The following NEDD9 variants were observed in gnomAD, a reference collection of about 807,000 sequenced individuals.
NEDD9 encodes neural precursor cell expressed, developmentally down-regulated 9.
NEDD9 carries 26 observed loss-of-function variants against 76.6 expected under a neutral mutation model. The ratio of observed to expected loss-of-function variants is 0.34; its 90% CI spans 0.25 to 0.47. NEDD9 has a LOEUF of 0.47. Ranked by LOEUF, NEDD9 falls within the 20% of genes least tolerant of loss-of-function variation. The pLI, the probability that NEDD9 is intolerant of heterozygous loss-of-function variation, is 1.00. For missense variants in NEDD9, 937 were observed against 1,058.5 expected (o/e 0.89, Z 1.59); for synonymous variants, 392 against 414.2 (o/e 0.95, Z 0.65).
At chr6:11,309,039 C>G (rs1290956649) in intron 2 of NEDD9, among the ~76,000 whole-genome samples, 1 of 152,166 alleles carries the variant, frequency 6.6e-6, no homozygotes, top group Non-Finnish European at 1.5e-5. Context: ...CTACAGGTGA[C>G]TACCTGGACT....
At chr6:11,246,052 C>T (rs959184666) in intron 3 of NEDD9, among the ~76,000 whole-genome samples, 7 of 151,196 alleles carry the variant, frequency 4.6e-5, no homozygotes, top group East Asian at 3.9e-4. Flanking sequence ...GTATTTTTTT[C>T]GGGTGGGGGA....
chr6:11,223,643 G>T (rs1352526355), intron 1 of NEDD9, among the ~76,000 whole-genome samples: 1 of 152,202 alleles, frequency 6.6e-6, no homozygotes, highest in African/African-American at 2.4e-5. Context: ...AGGGAGGCAG[G>T]AGGCTTGATT....
intron 2 of NEDD9, among the ~76,000 whole-genome samples, chr6:11,212,899 G>C (rs1186702911): frequency 6.6e-6 from 1 of 152,204 alleles, no homozygotes; most frequent in Admixed American, 6.5e-5. Flanking sequence ...GCATCATCAG[G>C]CTTGTACGAG....
At chr6:11,276,370 C>A (rs138987593) in intron 3 of NEDD9, among the ~76,000 whole-genome samples, 108 of 152,192 alleles carry the variant, frequency 7.1e-4, no homozygotes, top group African/African-American at 2.5e-3. Context: ...CGTGTGTGTG[C>A]ACCTGTGCAC....
At position 11,211,245 on chromosome 6, in the gene NEDD9, G is replaced by A. The variant is rs151298952; in HGVS notation, c.459+2036C>T. Among the ~76,000 whole-genome samples, 820 of 152,332 alleles carry A rather than the reference G, an allele frequency of 5.4e-3. 5 individuals carry two copies. Among genetic ancestry groups the A allele is most frequent in the Non-Finnish European group, 8.2e-3 (560 of 68,022 alleles). On this transcript the variant is annotated intron_variant, in intron 2 of 6. Coordinates refer to ENST00000379446, the MANE Select transcript of NEDD9 (RefSeq NM_006403.4). ...CATCAATCCAAGGGAAGATGAGTCC[G>A]TATCTCTGCCCTCTGGAAGGACGGG...
At chr6:11,199,651 T>C (rs1212510769) in intron 2 of NEDD9, 1 of 77,858 alleles carries the variant, frequency 1.3e-5, no homozygotes, top group Non-Finnish European at 2.5e-5. Flanking sequence ...TTTTTTTTTT[T>C]TTTTTTTTTT....
At chr6:11,210,629 A>T (rs1009930643) in intron 2 of NEDD9, among the ~76,000 whole-genome samples, 2 of 152,008 alleles carry the variant, frequency 1.3e-5, no homozygotes, top group Admixed American at 6.6e-5. Context: ...ACCCAGGAAG[A>T]TGTTGACAGA....
intron 1 of NEDD9, among the ~76,000 whole-genome samples, chr6:11,357,298 C>G (rs992528458): frequency 6.6e-6 from 1 of 152,170 alleles, no homozygotes; most frequent in Non-Finnish European, 1.5e-5. Flanking sequence ...GCCCTGATCA[C>G]ACCCGCATCC....
chr6:11,213,275 A>G lies in NEDD9; in HGVS notation c.459+6T>C, dbSNP rs1378491846. On this transcript the variant is annotated splice_donor_region_variant and intron_variant, in intron 2 of 6. Coordinates refer to ENST00000379446, the MANE Select transcript of NEDD9 (RefSeq NM_006403.4). The surrounding 1 kb of genome is among the most constrained non-coding windows in gnomAD (Gnocchi z 5.4). ...GGAACAAAAATTTAGTTAGTCATTTACTCACCTTTTTACCCACGTGGGGCC... is the reference window on the plus strand; with the variant it reads ...GGAACAAAAATTTAGTTAGTCATTTGCTCACCTTTTTACCCACGTGGGGCC... 1.9e-6 allele frequency: 3 copies of G among 1,581,984 alleles called. No individual in the cohort carries two copies. The highest frequency in any genetic ancestry group is 2.6e-6 in the Non-Finnish European group (3 of 1,161,248).
intron 3 of NEDD9, among the ~76,000 whole-genome samples, chr6:11,257,117 C>G (rs1410783219): frequency 1.3e-5 from 2 of 152,180 alleles, no homozygotes; most frequent in Non-Finnish European, 2.9e-5. Context: ...GGGGGACCAT[C>G]GATCACCTGC....
At chr6:11,245,623 A>G (rs1490048345) in intron 3 of NEDD9, among the ~76,000 whole-genome samples, 1 of 121,838 alleles carries the variant, frequency 8.2e-6, no homozygotes, top group African/African-American at 3.8e-5. Flanking sequence ...GCAGGAAGAT[A>G]AACTTGCGTT....
chr6:11,358,629 C>T (rs926519257), intron 1 of NEDD9, among the ~76,000 whole-genome samples: 2 of 152,002 alleles, frequency 1.3e-5, no homozygotes, highest in African/African-American at 2.4e-5. Flanking sequence ...GTGAACATGG[C>T]GGGTGGTGGT....
intron 3 of NEDD9, among the ~76,000 whole-genome samples, chr6:11,287,955 T>A (rs1760685169): frequency 6.6e-6 from 1 of 152,214 alleles, no homozygotes; most frequent in African/African-American, 2.4e-5. Flanking sequence ...TTGATATCTT[T>A]GATGAAGCTG....
chr6:11,345,925 A>G (rs959470176), intron 1 of NEDD9, among the ~76,000 whole-genome samples: 6 of 152,222 alleles, frequency 3.9e-5, no homozygotes, highest in Admixed American at 2.0e-4. Context: ...TTCCTCGAAC[A>G]CAACTTCTGC....
At chr6:11,292,261 G>A (rs143018525) in intron 3 of NEDD9, among the ~76,000 whole-genome samples, 11 of 152,302 alleles carry the variant, frequency 7.2e-5, no homozygotes, top group African/African-American at 1.4e-4. Context: ...CAAGAAAAGC[G>A]TCTGGTAGGC....
At chr6:11,287,543 C>G (rs908127751) in intron 3 of NEDD9, among the ~76,000 whole-genome samples, 8 of 150,842 alleles carry the variant, frequency 5.3e-5, no homozygotes, top group African/African-American at 2.0e-4. Context: ...CACACACACA[C>G]ACACACAGAA....
chr6:11,336,145 AC>A (rs1287838015), intron 1 of NEDD9, among the ~76,000 whole-genome samples: 2 of 152,170 alleles, frequency 1.3e-5, no homozygotes, highest in African/African-American at 2.4e-5. Flanking sequence ...CTCATAGGCC[AC>A]CTTCCTTGGC....
intron 3 of NEDD9, among the ~76,000 whole-genome samples, chr6:11,263,075 C>A (rs116415503): frequency 6.6e-4 from 101 of 152,258 alleles, no homozygotes; most frequent in African/African-American, 2.2e-3. Context: ...TCATGACATG[C>A]ATAGTAATTG....
intron 3 of NEDD9, among the ~76,000 whole-genome samples, chr6:11,272,785 C>A (rs1760336913): frequency 6.6e-6 from 1 of 152,202 alleles, no homozygotes; most frequent in East Asian, 1.9e-4. Context: ...TTGGAAGCAT[C>A]ATTTCTTTGT....
Sources: allele counts gnomAD v4.1 joint callset (sites outside exome capture counted in the v4.1 genomes callset), GRCh38; gene constraint gnomAD v4.1.1; non-coding constraint Gnocchi (gnomAD v3.1); transcripts MANE v1.5; gene names NCBI Gene and HGNC (gene_info 2026-07-23, HGNC 2026-07-21).